ZBTB5: variants seen among roughly 807,000 people sequenced by gnomAD.
ZBTB5 encodes the protein zinc finger and BTB domain containing 5.
In ZBTB5, 15 loss-of-function variants were observed where a neutral mutation model predicts 37.9. That is an observed-to-expected ratio of 0.40 (90% CI 0.26 to 0.61). ZBTB5 has a LOEUF of 0.61. ZBTB5 is among the 20% of genes least tolerant of loss of function. The pLI, the probability that ZBTB5 is intolerant of heterozygous loss-of-function variation, is 0.47. For missense variants in ZBTB5, 708 were observed against 856.8 expected (o/e 0.83, Z 2.17); for synonymous variants, 315 against 312.4 (o/e 1.01, Z -0.09).
chr9:37,461,176 T>C (rs1219964014), intron 1 of ZBTB5, among the ~76,000 whole-genome samples: 2 of 152,218 alleles, frequency 1.3e-5, no homozygotes, highest in Non-Finnish European at 2.9e-5. Context: ...TTGTAGCATT[T>C]CTGGGCTCCT....
rs1197959015 is a variant in ZBTB5 at position 37,440,860 on chromosome 9, C to T, written c.1692G>A (p.Met564Ile). The T allele has an allele frequency of 6.2e-7, 1 of 1,614,218 alleles. No individual in the cohort carries two copies. Among genetic ancestry groups the T allele is most frequent in the Non-Finnish European group, 8.5e-7 (1 of 1,180,044 alleles). The change falls in exon 2 of 2, where the codon ATG becomes ATA. Residue 564 changes from methionine (M) to isoleucine (I), a missense_variant. Coordinates refer to ENST00000307750, the MANE Select transcript of ZBTB5 (RefSeq NM_014872.3). The stretch of plus-strand genomic sequence containing the variant: ...TTTCAAATGAGGACGTAGCTCCATT[C>T]ATCATTAGCTGAGAACTGGTAGAGT... Reference protein sequence around the residue: ...PENSTSSQLMMNGATSSFENG... With the variant: ...PENSTSSQLMINGATSSFENG...
chr9:37,464,725 G>A (rs1824358153), intron 1 of ZBTB5, among the ~76,000 whole-genome samples: 2 of 152,198 alleles, frequency 1.3e-5, no homozygotes, highest in Non-Finnish European at 2.9e-5. Flanking sequence ...AACAAGTTGG[G>A]GCATTCCGAA....
Position 37,441,409 on chromosome 9 carries a change from A to G in ZBTB5, c.1143T>C (p.Asp381=). 6.2e-7 allele frequency: 1 copy of G among 1,613,880 alleles called. No individual in the cohort carries two copies. The highest frequency in any genetic ancestry group is 8.5e-7 in the Non-Finnish European group (1 of 1,179,996). ...SPESSDRSFS[D]PQSSTDRVGD... ...CTACCCTGTCTGTGCTAGACTGGGG[A>G]TCTGAAAAACTCCGATCACTGCTTT... Residue 381 remains aspartate, a synonymous_variant, in exon 2 of 2, where the codon GAT becomes GAC. Transcript: ENST00000307750.
At chr9:37,449,114 G>C (rs1401002658) in intron 1 of ZBTB5, among the ~76,000 whole-genome samples, 13 of 152,174 alleles carry the variant, frequency 8.5e-5, no homozygotes, top group Middle Eastern at 3.2e-3. Context: ...GCCGGGCACG[G>C]TGGCTTACAC....
At chr9:37,456,879 C>T (rs1824197586) in intron 1 of ZBTB5, among the ~76,000 whole-genome samples, 1 of 152,204 alleles carries the variant, frequency 6.6e-6, no homozygotes, top group South Asian at 2.1e-4. Context: ...TCTCTAAAAT[C>T]AGCCAAAAAC....
intron 1 of ZBTB5, among the ~76,000 whole-genome samples, chr9:37,454,801 A>G (rs932939324): frequency 2.6e-5 from 4 of 152,228 alleles, no homozygotes; most frequent in Non-Finnish European, 5.9e-5. Flanking sequence ...ATCTACTACC[A>G]TATCAAGTAA....
At chr9:37,449,349 G>A (rs57259147) in intron 1 of ZBTB5, among the ~76,000 whole-genome samples, 4,129 of 152,196 alleles carry the variant, frequency 0.027, 188 homozygotes, top group African/African-American at 0.092. Context: ...CAGGCTTGTG[G>A]TATCACACAT....
chr9:37,452,434 T>C (rs1824120849), intron 1 of ZBTB5, among the ~76,000 whole-genome samples: 1 of 152,190 alleles, frequency 6.6e-6, no homozygotes, highest in Non-Finnish European at 1.5e-5. Flanking sequence ...AAGAATTAGT[T>C]GGAAATAGCA....
intron 1 of ZBTB5, among the ~76,000 whole-genome samples, chr9:37,463,383 CAG>C (rs752726459): frequency 8.5e-5 from 13 of 152,122 alleles, no homozygotes; most frequent in South Asian, 6.2e-4. Context: ...TTAAAACTGA[CAG>C]AGGGGGAAAG....
In ZBTB5 at chr9:37,444,816, A is replaced by G. The variant is rs542566725; in HGVS notation, c.-4-2261T>C. ...CTCAGGAGGCGACTAAGATTGTAGG[A>G]AACAGGAGACCCACCAGAGAAGACA... is the stretch of plus-strand genomic sequence containing the variant. On this transcript the variant is annotated intron_variant, in intron 1 of 1. Transcript: ENST00000307750. Among the ~76,000 whole-genome samples, 14 of 152,366 alleles carry G rather than the reference A, an allele frequency of 9.2e-5. 1 individual carries two copies. In the East Asian group the frequency reaches 2.7e-3, roughly 29 times the overall value.
rs778402151 is a variant in ZBTB5 at position 37,441,743 on chromosome 9, GCAT to G, written c.806_808del (p.Asp269del). 10 of 1,613,940 alleles carry G rather than the reference GCAT, an allele frequency of 6.2e-6. No individual in the cohort carries two copies. The East Asian group carries it at 2.2e-4, about 36-fold the overall frequency. On this transcript the variant is annotated inframe_deletion, in exon 2 of 2. Coordinates refer to ENST00000307750, the MANE Select transcript of ZBTB5 (RefSeq NM_014872.3). ...GTTATCAGACTGGCTGGGCACCTGG[GCAT>G]CTTCTTGAGTGCCAAAAGACTGATC...
chr9:37,454,393 T>C (rs1415383713), intron 1 of ZBTB5, among the ~76,000 whole-genome samples: 3 of 152,294 alleles, frequency 2.0e-5, no homozygotes, highest in East Asian at 3.9e-4. Context: ...TTCAGGTCTC[T>C]TTAAAAGGCT....
chr9:37,444,854 C>T (rs1823946697), intron 1 of ZBTB5, among the ~76,000 whole-genome samples: 1 of 152,038 alleles, frequency 6.6e-6, no homozygotes, highest in African/African-American at 2.4e-5. Flanking sequence ...CAAAGGGAAT[C>T]CCAAGGATGA....
In ZBTB5 at chr9:37,462,283, C is replaced by G. The variant is rs530665972; in HGVS notation, c.-5+2932G>C. On this transcript the variant is annotated intron_variant, in intron 1 of 1. Coordinates refer to ENST00000307750, the MANE Select transcript of ZBTB5 (RefSeq NM_014872.3). ...GTCTTCAAGGAAGGAAAACTGTCTG[C>G]CAATGACTACTATGATAGAGGCAGG... Among the ~76,000 whole-genome samples the G allele has an allele frequency of 1.3e-4, 20 of 152,270 alleles. No homozygotes were observed. The South Asian group carries it at 3.3e-3, about 25-fold the overall frequency.
intron 1 of ZBTB5, among the ~76,000 whole-genome samples, chr9:37,442,846 T>C (rs1295889331): frequency 6.6e-6 from 1 of 152,230 alleles, no homozygotes; most frequent in Non-Finnish European, 1.5e-5. Context: ...TAAAGACCAG[T>C]GTGTGAGTGA....
intron 1 of ZBTB5, among the ~76,000 whole-genome samples, chr9:37,456,345 T>C (rs1271431266): frequency 6.6e-5 from 10 of 151,738 alleles, no homozygotes; most frequent in Admixed American, 3.9e-4. Flanking sequence ...AAAGTGGGAG[T>C]AGGGGAAGGC....
intron 1 of ZBTB5, among the ~76,000 whole-genome samples, chr9:37,460,794 G>A (rs1799598476): frequency 6.6e-6 from 1 of 152,108 alleles, no homozygotes; most frequent in African/African-American, 2.4e-5. Flanking sequence ...CTTGAGCCCA[G>A]GAGTTTGGGG....
At position 37,439,032 on chromosome 9, in the gene ZBTB5, A is replaced by G. The variant is rs1007106546; in HGVS notation, c.*1486T>C. On this transcript the variant is annotated 3_prime_UTR_variant, in exon 2 of 2. Coordinates refer to ENST00000307750, the MANE Select transcript of ZBTB5 (RefSeq NM_014872.3). ...GCTTTCTAAACACAAAAACTGAATA[A>G]TTTATCTGATTTATGAATGATGGTT... The G allele has an allele frequency of 1.3e-5, 2 of 152,232 alleles. No homozygotes were observed. Among genetic ancestry groups the G allele is most frequent in the Admixed American group, 6.5e-5 (1 of 15,286 alleles). 9.4% of individuals were successfully genotyped at this position (152,232 alleles called of 1,614,324 possible). A position where few individuals can be genotyped will look rare whatever the true frequency, so the allele number is the denominator to read the frequency against.
At chr9:37,454,756 A>G (rs1375218018) in intron 1 of ZBTB5, among the ~76,000 whole-genome samples, 1 of 152,218 alleles carries the variant, frequency 6.6e-6, no homozygotes, top group African/African-American at 2.4e-5. Context: ...AATATACTTC[A>G]TTCATAACAA....
Sources: gnomAD v4.1 joint callset for allele counts (sites outside exome capture counted in the v4.1 genomes callset) on GRCh38, gnomAD v4.1.1 for gene constraint, MANE v1.5 for transcripts, NCBI Gene and HGNC (gene_info 2026-07-23, HGNC 2026-07-21) for gene names.